Variants in SLIT3 observed in about 807,000 individuals in gnomAD.
The protein encoded by SLIT3 is slit guidance ligand 3.
A neutral mutation model predicts 184.0 loss-of-function variants in SLIT3; 68 were observed. That is an observed-to-expected ratio of 0.37 (90% confidence interval 0.30 to 0.45). SLIT3 has a LOEUF of 0.45. Among genes scored for constraint, SLIT3 ranks in the 20% least tolerant of loss-of-function variants. SLIT3 has a pLI of 1.00. For synonymous variants in SLIT3, 831 were observed against 828.6 expected (o/e 1.00, Z -0.05); for missense variants, 1,707 against 2,026.0 (o/e 0.84, Z 3.02).
intron 20 of SLIT3, among the ~76,000 whole-genome samples, chr5:168,746,332 T>TGG (rs879526890): frequency 0.17 from 15,396 of 88,360 alleles, 1,267 homozygotes; most frequent in Admixed American, 0.31. Flanking sequence ...ATGTGGTGTG[T>TGG]GAGTGTGGTG....
intron 4 of SLIT3, among the ~76,000 whole-genome samples, chr5:169,146,853 T>G (rs184290937): frequency 4.6e-5 from 7 of 152,366 alleles, no homozygotes; most frequent in Admixed American, 3.9e-4. Context: ...TGCAGCAGAA[T>G]GCTGGAGCTG....
At chr5:169,273,741 C>A (rs58606113) in intron 1 of SLIT3, among the ~76,000 whole-genome samples, 2 of 151,892 alleles carry the variant, frequency 1.3e-5, no homozygotes, top group African/African-American at 4.8e-5. Context: ...ATAAGGTAAA[C>A]CTTCAGGACT....
intron 4 of SLIT3, among the ~76,000 whole-genome samples, chr5:168,926,943 T>C (rs748958945): frequency 1.7e-4 from 26 of 152,092 alleles, no homozygotes; most frequent in Admixed American, 7.2e-4. Flanking sequence ...GACAGTGCAA[T>C]TGCTTTGGAA....
At chr5:168,813,212 G>T (rs1314393687) in intron 8 of SLIT3, among the ~76,000 whole-genome samples, 1 of 151,788 alleles carries the variant, frequency 6.6e-6, no homozygotes, top group Non-Finnish European at 1.5e-5. Context: ...ATTACAAATT[G>T]CGACTGGTAG....
At chr5:168,972,951 G>A (rs1754630273) in intron 4 of SLIT3, among the ~76,000 whole-genome samples, 1 of 152,200 alleles carries the variant, frequency 6.6e-6, no homozygotes, top group Admixed American at 6.5e-5. Flanking sequence ...TTAGGTGTAA[G>A]TTCCTGGTAA....
intron 4 of SLIT3, among the ~76,000 whole-genome samples, chr5:169,000,244 T>C (rs1755657417): frequency 6.6e-6 from 1 of 151,622 alleles, no homozygotes; most frequent in South Asian, 2.1e-4. Context: ...ATACAAAAAT[T>C]AGCTGGGCAT....
intron 4 of SLIT3, among the ~76,000 whole-genome samples, chr5:169,131,023 T>C (rs1354621092): frequency 6.6e-6 from 1 of 152,142 alleles, no homozygotes; most frequent in Non-Finnish European, 1.5e-5. Context: ...GTAGTGGTCA[T>C]CTCCGGAAAA....
chr5:168,961,413 T>G (rs951100957), intron 4 of SLIT3, among the ~76,000 whole-genome samples: 2 of 152,238 alleles, frequency 1.3e-5, no homozygotes, highest in African/African-American at 4.8e-5. Context: ...TGCTGTTTCT[T>G]GCACCAAGAC....
At chr5:168,799,381 A>G (rs1451188786) in intron 9 of SLIT3, among the ~76,000 whole-genome samples, 2 of 152,238 alleles carry the variant, frequency 1.3e-5, no homozygotes, top group African/African-American at 4.8e-5. Context: ...TTCAGGCTGC[A>G]AACTGATTTA....
chr5:169,146,587 G>A lies in SLIT3; in HGVS notation c.413+46892C>T, dbSNP rs896136106. ...TGTTATCCACCTGCTCAGATCACCC[G>A]GCTCCTCCTGCCTCCACTGCTACCT... On this transcript the variant is annotated intron_variant, in intron 4 of 35. Coordinates refer to ENST00000519560, the MANE Select transcript of SLIT3 (RefSeq NM_003062.4). Among the ~76,000 whole-genome samples, 42 of 152,024 alleles carry A rather than the reference G, an allele frequency of 2.8e-4. 1 individual carries two copies. The South Asian group carries it at 7.5e-3, about 27-fold the overall frequency.
intron 22 of SLIT3, 26 bp from the exon 23 acceptor site, chr5:168,722,353 G>A (rs1000445436): frequency 2.5e-6 from 4 of 1,608,658 alleles, no homozygotes; most frequent in Non-Finnish European, 3.4e-6. Context: ...CATGTGCCCT[G>A]TTGTGTCTTT....
At chr5:168,926,663 C>T (rs1761834138) in intron 4 of SLIT3, among the ~76,000 whole-genome samples, 1 of 151,654 alleles carries the variant, frequency 6.6e-6, no homozygotes, top group Admixed American at 6.6e-5. Flanking sequence ...ACAGCAACAA[C>T]AAAACAACAT....
intron 26 of SLIT3, among the ~76,000 whole-genome samples, chr5:168,706,078 A>G (rs543927544): frequency 6.6e-6 from 1 of 152,350 alleles, no homozygotes; most frequent in East Asian, 1.9e-4. Context: ...GGCAGTTCAC[A>G]GTGCCATAGA....
chr5:169,160,690 C>T (rs1039642695), intron 4 of SLIT3, among the ~76,000 whole-genome samples: 3 of 152,172 alleles, frequency 2.0e-5, no homozygotes. Flanking sequence ...CTATCCCTCC[C>T]AGCATCCCCA....
intron 4 of SLIT3, among the ~76,000 whole-genome samples, chr5:168,889,689 T>C (rs1305181259): frequency 1.3e-5 from 2 of 152,212 alleles, no homozygotes; most frequent in Non-Finnish European, 2.9e-5. Context: ...CAAAAATGAA[T>C]TGAATACCTA....
intron 9 of SLIT3, among the ~76,000 whole-genome samples, chr5:168,796,344 T>G (rs1272329232): frequency 3.3e-5 from 5 of 152,168 alleles, no homozygotes; most frequent in Non-Finnish European, 7.3e-5. Flanking sequence ...GAGTGAGCAT[T>G]TCCATTCTTT....
intron 20 of SLIT3, among the ~76,000 whole-genome samples, chr5:168,740,155 G>A (rs1351114494): frequency 6.6e-6 from 1 of 152,180 alleles, no homozygotes; most frequent in Non-Finnish European, 1.5e-5. Context: ...GAATGGGCAT[G>A]AGCACAGGAT....
At chr5:168,901,483 T>A (rs964610521) in intron 4 of SLIT3, among the ~76,000 whole-genome samples, 2 of 152,216 alleles carry the variant, frequency 1.3e-5, no homozygotes, top group Non-Finnish European at 2.9e-5. Context: ...TCCTCCCAGT[T>A]TGACTTCCTT....
At chr5:168,699,420 G>C (rs1272147423) in intron 27 of SLIT3, among the ~76,000 whole-genome samples, 1 of 152,196 alleles carries the variant, frequency 6.6e-6, no homozygotes, top group Non-Finnish European at 1.5e-5. Context: ...GCCGCCTCCT[G>C]ACTGGCTCAC....
Sources: allele counts gnomAD v4.1 joint callset (sites outside exome capture counted in the v4.1 genomes callset), GRCh38; gene constraint gnomAD v4.1.1; transcripts MANE v1.5; gene names NCBI Gene and HGNC (gene_info 2026-07-23, HGNC 2026-07-21).